The following GLRA3 variants were observed in gnomAD, a reference collection of about 807,000 sequenced individuals.
GLRA3 encodes glycine receptor subunit alpha-3.
In GLRA3, 44 loss-of-function variants were observed where a neutral mutation model predicts 60.4. That is an observed-to-expected ratio of 0.73 (90% CI 0.57 to 0.94). The LOEUF (loss-of-function observed/expected upper bound fraction) is 0.94, where lower values mean the gene tolerates loss of function less well. GLRA3 is among the 40% of genes least tolerant of loss of function. The pLI is 0.00. For missense variants in GLRA3, 508 were observed against 564.6 expected (o/e 0.90, Z 1.02); for synonymous variants, 223 against 192.9 (o/e 1.16, Z -1.29).
At chr4:174,686,800 T>C (rs753228650) in intron 5 of GLRA3, among the ~76,000 whole-genome samples, 28 of 152,252 alleles carry the variant, frequency 1.8e-4, no homozygotes, top group Middle Eastern at 3.4e-3. Context: ...AACTGCGAAC[T>C]CCCAAGGTTT....
chr4:174,706,184 C>T (rs1006021966), intron 5 of GLRA3, among the ~76,000 whole-genome samples: 13 of 151,598 alleles, frequency 8.6e-5, no homozygotes, highest in South Asian at 2.1e-4. Context: ...GAGCCGAGTT[C>T]ACGCCACTGC....
chr4:174,716,168 T>TATTTAGTAAA (rs2111096837), intron 4 of GLRA3, among the ~76,000 whole-genome samples: 1 of 152,286 alleles, frequency 6.6e-6, no homozygotes, highest in South Asian at 2.1e-4. Flanking sequence ...TTTAGTAAAG[T>TATTTAGTAAA]GAATCTGGAG....
Position 174,642,464 on chromosome 4 carries a change from C to T in GLRA3, c.*1322G>A, listed in dbSNP as rs1324974253. ...ATGGTAAAAATAGTTAAAAAAATAG[C>T]AAAACTGAAAAAGAGTCAGAGTCTG... On this transcript the variant is annotated 3_prime_UTR_variant, in exon 10 of 10. Coordinates refer to ENST00000274093, the MANE Select transcript of GLRA3 (RefSeq NM_006529.4). The T allele has an allele frequency of 2.0e-6, 2 of 977,204 alleles. No homozygotes were observed. Among genetic ancestry groups the T allele is most frequent in the South Asian group, 4.7e-5 (1 of 21,120 alleles). The allele number at this position is 977,204 out of a possible 1,614,324, so 60.5% of individuals were successfully genotyped here.
At chr4:174,713,226 T>C (rs184795907) in intron 5 of GLRA3, among the ~76,000 whole-genome samples, 3 of 152,178 alleles carry the variant, frequency 2.0e-5, no homozygotes, top group East Asian at 1.9e-4. Flanking sequence ...ATATTTCTTA[T>C]AGAGGAATTA....
At chr4:174,825,880 A>G (rs747173321) in intron 1 of GLRA3, among the ~76,000 whole-genome samples, 6 of 152,134 alleles carry the variant, frequency 3.9e-5, no homozygotes, top group Non-Finnish European at 8.8e-5. Flanking sequence ...GTAAAAATAT[A>G]CTAGAAATAC....
At chr4:174,662,842 T>C (rs979496526) in intron 7 of GLRA3, among the ~76,000 whole-genome samples, 2 of 151,436 alleles carry the variant, frequency 1.3e-5, no homozygotes, top group Non-Finnish European at 2.9e-5. Context: ...TTTTTCTTTT[T>C]TTTTTTTTCC....
chr4:174,756,770 G>C (rs1737720513), intron 3 of GLRA3, among the ~76,000 whole-genome samples: 1 of 150,884 alleles, frequency 6.6e-6, no homozygotes, highest in South Asian at 2.1e-4. Flanking sequence ...TCAGCCTCCC[G>C]AGTAGCTGGA....
intron 5 of GLRA3, chr4:174,713,519 C>T (rs1288166271): frequency 2.6e-5 from 4 of 152,220 alleles, no homozygotes; most frequent in African/African-American, 4.8e-5. Flanking sequence ...TTTTTAGATT[C>T]CAGCTTTGAC....
chr4:174,658,959 C>T lies in GLRA3; in HGVS notation c.1071+95G>A, dbSNP rs186873233. 471 of 1,014,682 alleles carry T rather than the reference C, an allele frequency of 4.6e-4. 1 individual carries two copies. The African/African-American group carries it at 6.8e-3, about 15-fold the overall frequency. 62.9% of individuals were successfully genotyped at this position (1,014,682 alleles called of 1,614,324 possible). ...AATATTATATCATTTCATCCCCAGT[C>T]CCAATTGCTTCTCTTTTCATCTCTA... On this transcript the variant is annotated intron_variant, in intron 8 of 9. Coordinates refer to ENST00000274093, the MANE Select transcript of GLRA3 (RefSeq NM_006529.4).
intron 4 of GLRA3, among the ~76,000 whole-genome samples, chr4:174,719,305 G>A (rs1485477784): frequency 6.6e-6 from 1 of 152,044 alleles, no homozygotes; most frequent in Non-Finnish European, 1.5e-5. Flanking sequence ...CAAAAGCATT[G>A]AAGCATTTTT....
chr4:174,829,149 C>G lies in GLRA3; in HGVS notation c.-338G>C. 1 of 190,196 alleles carries G rather than the reference C, an allele frequency of 5.3e-6. No individual in the cohort carries two copies. Among genetic ancestry groups the G allele is most frequent in the Non-Finnish European group, 1.1e-5 (1 of 91,768 alleles). The allele number at this position is 190,196 out of a possible 1,614,324, so 11.8% of individuals were successfully genotyped here. ...ATGTTCGTTCTTCCCTGACTGAGAC[C>G]CAGGATTGGAGGAAGAAGAGCAGCA... On this transcript the variant is annotated 5_prime_UTR_variant, in exon 1 of 10. Coordinates refer to ENST00000274093, the MANE Select transcript of GLRA3 (RefSeq NM_006529.4).
At chr4:174,666,758 A>T (rs202222628) in intron 7 of GLRA3, among the ~76,000 whole-genome samples, 3 of 48,310 alleles carry the variant, frequency 6.2e-5, no homozygotes, top group East Asian at 9.5e-4. Context: ...ATATATATAT[A>T]TTATATATAT....
intron 1 of GLRA3, among the ~76,000 whole-genome samples, chr4:174,792,944 G>A (rs958386554): frequency 1.3e-5 from 2 of 152,142 alleles, no homozygotes; most frequent in African/African-American, 2.4e-5. Flanking sequence ...TTGTCACCAC[G>A]GAGCTGAAGA....
chr4:174,806,143 T>C (rs1740041629), intron 1 of GLRA3, among the ~76,000 whole-genome samples: 2 of 152,300 alleles, frequency 1.3e-5, no homozygotes, highest in South Asian at 4.1e-4. Flanking sequence ...ATCTGGGATG[T>C]TCAATATTGT....
intron 6 of GLRA3, among the ~76,000 whole-genome samples, chr4:174,680,444 G>A (rs1734298757): frequency 6.6e-6 from 1 of 152,126 alleles, no homozygotes; most frequent in South Asian, 2.1e-4. Context: ...CAGAATTTGG[G>A]CGTTTAACAC....
intron 7 of GLRA3, among the ~76,000 whole-genome samples, chr4:174,664,545 C>G (rs1032771823): frequency 6.6e-6 from 1 of 152,118 alleles, no homozygotes. Context: ...AAAGATTCAG[C>G]CCTGTTAATT....
chr4:174,741,080 C>T (rs146999329), intron 3 of GLRA3, among the ~76,000 whole-genome samples: 1 of 152,150 alleles, frequency 6.6e-6, no homozygotes, highest in Non-Finnish European at 1.5e-5. Flanking sequence ...GTTTGTTTCT[C>T]GTAAGTAAAT....
intron 1 of GLRA3, among the ~76,000 whole-genome samples, chr4:174,825,944 G>A (rs1740949167): frequency 6.6e-6 from 1 of 151,994 alleles, no homozygotes; most frequent in African/African-American, 2.4e-5. Flanking sequence ...GTACTAGTAA[G>A]CAACAGAAAC....
chr4:174,755,757 T>A (rs1248057382), intron 3 of GLRA3, among the ~76,000 whole-genome samples: 1 of 152,042 alleles, frequency 6.6e-6, no homozygotes, highest in South Asian at 2.1e-4. Flanking sequence ...GAATATACAG[T>A]ATAGTAATTT....
Sources: gnomAD v4.1 joint callset for allele counts (sites outside exome capture counted in the v4.1 genomes callset) on GRCh38, gnomAD v4.1.1 for gene constraint, MANE v1.5 for transcripts, NCBI Gene and HGNC (gene_info 2026-07-23, HGNC 2026-07-21) for gene names.